Variants in NBEA observed in about 807,000 individuals in gnomAD.
NBEA encodes the protein neurobeachin, also known as lysosomal-trafficking regulator 2.
A neutral mutation model predicts 343.4 loss-of-function variants in NBEA; 44 were observed. The ratio of observed to expected loss-of-function variants is 0.13; its 90% CI spans 0.10 to 0.16. The LOEUF (loss-of-function observed/expected upper bound fraction) is 0.16. Ranked by LOEUF, NBEA falls within the 10% of genes least tolerant of loss-of-function variation. The probability of loss-of-function intolerance (pLI) is 1.00; values close to 1 mark genes in which losing one functional copy is unlikely to be tolerated. For missense variants in NBEA, 2,555 were observed against 3,631.3 expected, an observed-to-expected ratio of 0.70 and a Z score of 7.62; for synonymous variants, 1,175 against 1,238.7, an observed-to-expected ratio of 0.95 and a Z score of 1.08.
At chr13:35,390,349 C>G (rs1195749712) in intron 38 of NBEA, among the ~76,000 whole-genome samples, 1 of 152,088 alleles carries the variant, frequency 6.6e-6, no homozygotes, top group Non-Finnish European at 1.5e-5. Context: ...TCTTTGGAGA[C>G]TTTAATCCAT....
intron 7 of NBEA, among the ~76,000 whole-genome samples, 169 bp from the exon 8 acceptor site, chr13:35,058,548 A>G (rs566640027): frequency 6.6e-5 from 10 of 152,206 alleles, no homozygotes; most frequent in Admixed American, 6.6e-5. Flanking sequence ...CATTTTTCCC[A>G]AAAAACTTGA....
chr13:35,360,527 A>C (rs1277046305), intron 38 of NBEA, among the ~76,000 whole-genome samples: 2 of 152,132 alleles, frequency 1.3e-5, no homozygotes, highest in Non-Finnish European at 2.9e-5. Flanking sequence ...GACAGTTAAC[A>C]GATGCCAATC....
chr13:35,116,922 C>G (rs1181485696), intron 13 of NBEA, among the ~76,000 whole-genome samples: 2 of 151,806 alleles, frequency 1.3e-5, no homozygotes, highest in Non-Finnish European at 2.9e-5. Flanking sequence ...TATGTATTTT[C>G]TGTATACAAG....
intron 58 of NBEA, 42 bp downstream of exon 58, chr13:35,668,561 A>T (rs79286781): frequency 6.6e-7 from 1 of 1,510,842 alleles, no homozygotes; most frequent in African/African-American, 1.4e-5. Context: ...GAGAACTGTC[A>T]TTGAAGGCTC....
Position 35,159,956 on chromosome 13 carries a change from C to T in NBEA, c.3785C>T (p.Ser1262Leu). The T allele has an allele frequency of 6.3e-7, 1 of 1,594,652 alleles. No homozygotes were observed. Reference sequence around the variant, plus strand: ...AATATTGATGCAGGAAGTATAATTTCAGATACTGAAAGGTCTGACGATGGC... The same window carrying T: ...AATATTGATGCAGGAAGTATAATTTTAGATACTGAAAGGTCTGACGATGGC... ...VPNIDAGSII[S>L]DTERSDDGKE... Residue 1262 changes from serine to leucine, a missense_variant, in exon 22 of 59, where the codon TCA (serine) becomes TTA (leucine). Around this residue, in one of 21 missense-constraint regions of NBEA, gnomAD observed 367 missense variants for 377.5 expected, o/e 0.97. Coordinates refer to ENST00000379939, the MANE Select transcript of NBEA (RefSeq NM_001385012.1).
intron 41 of NBEA, chr13:35,475,195 C>A (rs2075806821): frequency 6.2e-7 from 1 of 1,613,790 alleles, no homozygotes; most frequent in African/African-American, 1.3e-5. Context: ...GTGGGGACAC[C>A]GCCGGCACTG....
At chr13:35,115,679 G>T (rs7998688) in intron 13 of NBEA, among the ~76,000 whole-genome samples, 1 of 152,012 alleles carries the variant, frequency 6.6e-6, no homozygotes, top group Admixed American at 6.5e-5. Flanking sequence ...TTTATATCAT[G>T]CACAAAGCAC....
rs191262319 is a variant in NBEA, at chr13:35,312,108, G to A, written c.5903+2516G>A. Among the ~76,000 whole-genome samples the A allele has an allele frequency of 9.3e-3, 1,420 of 152,228 alleles. 72 individuals carry two copies. Among genetic ancestry groups the A allele is most frequent in the Admixed American group, 0.081 (1,237 of 15,286 alleles). ...GCTATAAGAGTTAGGAATAGAGTTAGGAATAAGATATAAATGATTCCAGTT... is the reference window on the plus strand; with the variant it reads ...GCTATAAGAGTTAGGAATAGAGTTAAGAATAAGATATAAATGATTCCAGTT... On this transcript the variant is annotated intron_variant, in intron 36 of 58. Coordinates refer to ENST00000379939, the MANE Select transcript of NBEA (RefSeq NM_001385012.1).
chr13:35,458,878 A>G (rs2046736572), intron 40 of NBEA, among the ~76,000 whole-genome samples: 1 of 152,142 alleles, frequency 6.6e-6, no homozygotes, highest in Admixed American at 6.5e-5. Context: ...TTGTAATGCT[A>G]CTTTGATATT....
chr13:35,618,006 T>C lies in NBEA; in HGVS notation c.7450-10075T>C, dbSNP rs181837185. Among the ~76,000 whole-genome samples the C allele has an allele frequency of 5.4e-4, 82 of 152,318 alleles. 1 individual carries two copies. Among genetic ancestry groups the C allele is most frequent in the Admixed American group, 1.9e-3 (29 of 15,294 alleles). ...TTTTGTAACTTTAAAAGTTTCTAAC[T>C]TTATATTGGCTGGGTAATTCATACA... On this transcript the variant is annotated intron_variant, in intron 48 of 58. Transcript: ENST00000379939.
intron 38 of NBEA, among the ~76,000 whole-genome samples, chr13:35,426,775 A>G (rs1343307519): frequency 2.0e-5 from 3 of 152,176 alleles, no homozygotes; most frequent in African/African-American, 7.2e-5. Context: ...CATCACTTTC[A>G]GGTACACCAA....
At chr13:35,389,362 A>G (rs147137951) in intron 38 of NBEA, among the ~76,000 whole-genome samples, 1 of 152,250 alleles carries the variant, frequency 6.6e-6, no homozygotes, top group East Asian at 1.9e-4. Flanking sequence ...GCAGTTTTCT[A>G]AAATAACCGT....
chr13:35,593,165 A>G (rs1225389109), intron 46 of NBEA, 163 bp from the exon 47 acceptor site: 1 of 609,386 alleles, frequency 1.6e-6, no homozygotes, highest in African/African-American at 1.9e-5. Flanking sequence ...GGCCTAGTCA[A>G]GCCCAGACAG....
At chr13:35,201,849 C>T (rs2073045150) in intron 31 of NBEA, among the ~76,000 whole-genome samples, 2 of 152,044 alleles carry the variant, frequency 1.3e-5, no homozygotes, top group Admixed American at 6.6e-5. Flanking sequence ...AGCCCCTCAG[C>T]GTCTCTAAGG....
chr13:35,115,587 A>C (rs957689324), intron 13 of NBEA, among the ~76,000 whole-genome samples: 15 of 152,278 alleles, frequency 9.9e-5, no homozygotes, highest in Admixed American at 4.6e-4. Context: ...TAGTTTACAT[A>C]AATAGTATTA....
chr13:35,196,101 C>G lies in NBEA; in HGVS notation c.5165C>G (p.Pro1722Arg), dbSNP rs1464906951. The change falls in exon 31 of 59, where the codon CCT becomes CGT. Residue 1722 changes from proline to arginine, a missense_variant. Physicochemically the swap from Pro to Arg is moderately radical, Grantham distance 103 (BLOSUM62 -2). Around this residue, in one of 21 missense-constraint regions of NBEA, gnomAD observed 270 missense variants for 293.3 expected, o/e 0.92. Coordinates refer to ENST00000379939, the MANE Select transcript of NBEA (RefSeq NM_001385012.1). Reference sequence around the variant, plus strand: ...TCACAAGAGAGCTTAACTGAAAATCCTAGTGAAACGTTGAAGCCTGCAACA... The same window carrying G: ...TCACAAGAGAGCTTAACTGAAAATCGTAGTGAAACGTTGAAGCCTGCAACA... ...KKSQESLTEN[P>R]SETLKPATSI... 6.2e-7 allele frequency: 1 copy of G among 1,613,616 alleles called. No homozygotes were observed. The highest frequency in any genetic ancestry group is 1.7e-5 in the Admixed American group (1 of 59,982).
chr13:35,593,482 T>A, intron 47 of NBEA, 35 bp downstream of exon 47: 1 of 1,562,358 alleles, frequency 6.4e-7, no homozygotes, highest in Non-Finnish European at 8.7e-7. Flanking sequence ...TCATTAAATT[T>A]CAAAATATGT....
At chr13:35,654,772 G>T in intron 53 of NBEA, 83 bp from the exon 54 acceptor site, 1 of 1,064,778 alleles carries the variant, frequency 9.4e-7, no homozygotes, top group Non-Finnish European at 1.3e-6. Context: ...AATGAAGCAT[G>T]AAAGTATTGT....
chr13:35,320,995 C>T (rs1292611427), intron 36 of NBEA, among the ~76,000 whole-genome samples: 8 of 152,022 alleles, frequency 5.3e-5, no homozygotes, highest in South Asian at 4.1e-4. Flanking sequence ...ATTCCTCCAA[C>T]GTTTTTTTCG....
Sources: allele counts gnomAD v4.1 joint callset (sites outside exome capture counted in the v4.1 genomes callset), GRCh38; gene constraint gnomAD v4.1.1; regional missense constraint gnomAD v4.1.1; transcripts MANE v1.5; gene names NCBI Gene and HGNC (gene_info 2026-07-23, HGNC 2026-07-21).